Variants in BANK1 observed in about 807,000 individuals in gnomAD.
BANK1 encodes the protein B-cell scaffold protein with ankyrin repeats.
Under a neutral mutation model 94.5 loss-of-function variants are expected in BANK1, and 95 were observed. The observed-to-expected ratio is 1.00, with a 90% CI of 0.85 to 1.19. The LOEUF (loss-of-function observed/expected upper bound fraction) is 1.19. BANK1 is among the 50% of genes most tolerant of loss of function. BANK1 has a pLI of 0.00. For missense variants in BANK1, 987 were observed against 932.2 expected, an observed-to-expected ratio of 1.06 and a Z score of -0.77; for synonymous variants, 334 against 308.4, an observed-to-expected ratio of 1.08 and a Z score of -0.87.
chr4:101,847,586 C>G (rs1395169133), intron 2 of BANK1, among the ~76,000 whole-genome samples: 1 of 152,068 alleles, frequency 6.6e-6, no homozygotes, highest in Non-Finnish European at 1.5e-5. Flanking sequence ...TGTCTCCTCG[C>G]AGCTTAGCTC....
chr4:101,858,663 TAG>T (rs1367474402), intron 3 of BANK1, among the ~76,000 whole-genome samples: 1 of 152,188 alleles, frequency 6.6e-6, no homozygotes, highest in Non-Finnish European at 1.5e-5. Flanking sequence ...GATGTTAAGA[TAG>T]AGACATTTGA....
At chr4:102,015,488 A>G (rs1013169374) in intron 7 of BANK1, among the ~76,000 whole-genome samples, 12 of 152,308 alleles carry the variant, frequency 7.9e-5, no homozygotes, top group African/African-American at 2.6e-4. Flanking sequence ...ATATTCCAGA[A>G]AGCAATGCAA....
rs199897705 is a variant in BANK1, at chr4:102,060,485, C to A, written c.2148+96C>A. ...TTCATGAGGAATACAGGTAACTGTT[C>A]TTTCATTTTTAACTAGCCACTAAGG... On this transcript the variant is annotated intron_variant, in intron 12 of 16. Transcript: ENST00000322953. 3.7e-6 allele frequency: 5 copies of A among 1,339,000 alleles called. No individual in the cohort carries two copies. In the East Asian group the frequency reaches 1.3e-4, roughly 35 times the overall value. 82.9% of individuals were successfully genotyped at this position (1,339,000 alleles called of 1,614,324 possible).
chr4:101,995,790 T>C (rs1725857752), intron 7 of BANK1, among the ~76,000 whole-genome samples: 1 of 152,062 alleles, frequency 6.6e-6, no homozygotes, highest in Non-Finnish European at 1.5e-5. Context: ...TTTGATGGGG[T>C]TGTTTGTTTC....
intron 7 of BANK1, among the ~76,000 whole-genome samples, chr4:101,998,747 T>C (rs1443665841): frequency 6.6e-6 from 1 of 152,168 alleles, no homozygotes; most frequent in Non-Finnish European, 1.5e-5. Flanking sequence ...TTTTTACTTA[T>C]ATTGTGATGC....
chr4:101,863,199 T>TTA (rs887828448), intron 4 of BANK1, among the ~76,000 whole-genome samples: 17 of 152,158 alleles, frequency 1.1e-4, no homozygotes, highest in African/African-American at 4.1e-4. Context: ...CCAGCTTTGC[T>TTA]TATAGCATGA....
At chr4:101,953,441 C>T (rs1044300220) in intron 7 of BANK1, among the ~76,000 whole-genome samples, 3 of 151,962 alleles carry the variant, frequency 2.0e-5, no homozygotes, top group East Asian at 1.9e-4. Flanking sequence ...AGAGAACAGA[C>T]TGTCTTGAAG....
intron 6 of BANK1, among the ~76,000 whole-genome samples, chr4:101,899,478 C>A (rs1722200743): frequency 6.6e-6 from 1 of 152,108 alleles, no homozygotes. Context: ...TGAACTGATG[C>A]TTCAGTTTGA....
At chr4:102,019,800 G>A (rs1726829770) in intron 7 of BANK1, among the ~76,000 whole-genome samples, 1 of 151,640 alleles carries the variant, frequency 6.6e-6, no homozygotes, top group Non-Finnish European at 1.5e-5. Context: ...TATTTCTACA[G>A]AGCATTTTAT....
intron 10 of BANK1, among the ~76,000 whole-genome samples, chr4:102,038,722 G>A (rs1160793961): frequency 6.6e-6 from 1 of 152,118 alleles, no homozygotes; most frequent in African/African-American, 2.4e-5. Flanking sequence ...TTTCTAGAAT[G>A]TAAATATTTG....
At chr4:101,899,861 T>C (rs1722216484) in intron 6 of BANK1, among the ~76,000 whole-genome samples, 1 of 152,174 alleles carries the variant, frequency 6.6e-6, no homozygotes, top group Non-Finnish European at 1.5e-5. Context: ...TCTTACAGAG[T>C]CAAAGAAATC....
At chr4:101,939,304 G>GT (rs1406277542) in intron 7 of BANK1, among the ~76,000 whole-genome samples, 4 of 151,686 alleles carry the variant, frequency 2.6e-5, no homozygotes, top group Non-Finnish European at 5.9e-5. Flanking sequence ...TGCAAAATTT[G>GT]TTTCTTAAAA....
At chr4:101,797,986 A>T (rs538956581) in intron 1 of BANK1, among the ~76,000 whole-genome samples, 3 of 152,352 alleles carry the variant, frequency 2.0e-5, no homozygotes, top group East Asian at 1.9e-4. Flanking sequence ...GAGTTGCTCA[A>T]TATGACTGAG....
chr4:101,980,031 A>C (rs924987807), intron 7 of BANK1, among the ~76,000 whole-genome samples: 15 of 151,822 alleles, frequency 9.9e-5, no homozygotes, highest in African/African-American at 3.4e-4. Context: ...CATTTTGAAA[A>C]ATTCTCTAGA....
chr4:102,015,286 T>C (rs1242597302), intron 7 of BANK1, among the ~76,000 whole-genome samples: 1 of 152,178 alleles, frequency 6.6e-6, no homozygotes, highest in African/African-American at 2.4e-5. Flanking sequence ...TCTTTTTGAC[T>C]TAATTTTGAC....
chr4:102,030,544 AC>A (rs1447586061), intron 10 of BANK1, among the ~76,000 whole-genome samples: 1 of 151,772 alleles, frequency 6.6e-6, no homozygotes, highest in Admixed American at 6.6e-5. Context: ...TCAACCCGTC[AC>A]CTACATTGGG....
chr4:101,801,056 C>A (rs892178504), intron 1 of BANK1, among the ~76,000 whole-genome samples: 1 of 152,188 alleles, frequency 6.6e-6, no homozygotes, highest in Admixed American at 6.5e-5. Flanking sequence ...TTGCTATAAT[C>A]TTACATGTTT....
At chr4:101,826,581 A>G (rs1182806500) in intron 1 of BANK1, among the ~76,000 whole-genome samples, 3 of 151,850 alleles carry the variant, frequency 2.0e-5, no homozygotes, top group Admixed American at 2.0e-4. Context: ...CCCTCCTCCT[A>G]CCGTTCCTCA....
At chr4:101,816,945 C>T (rs1199690935) in intron 1 of BANK1, among the ~76,000 whole-genome samples, 1 of 152,072 alleles carries the variant, frequency 6.6e-6, no homozygotes, top group Non-Finnish European at 1.5e-5. Flanking sequence ...CCTCCAAAAT[C>T]TCAGGGGTAT....
Sources: allele counts gnomAD v4.1 joint callset (sites outside exome capture counted in the v4.1 genomes callset), GRCh38; gene constraint gnomAD v4.1.1; transcripts MANE v1.5; gene names NCBI Gene and HGNC (gene_info 2026-07-23, HGNC 2026-07-21).